LAMA2: variants seen among roughly 807,000 people sequenced by gnomAD.
LAMA2 encodes laminin subunit alpha-2.
A neutral mutation model predicts 364.8 loss-of-function variants in LAMA2; 269 were observed. That is an observed-to-expected ratio of 0.74 (90% CI 0.67 to 0.82). The LOEUF (loss-of-function observed/expected upper bound fraction) is 0.82. Among genes scored for constraint, LAMA2 ranks in the 40% least tolerant of loss-of-function variants. The probability of loss-of-function intolerance (pLI) is 0.00; values close to 1 mark genes in which losing one functional copy is unlikely to be tolerated. For missense variants in LAMA2, 3,807 were observed against 3,873.2 expected (o/e 0.98, Z 0.45); for synonymous variants, 1,379 against 1,370.6 (o/e 1.01, Z -0.14).
At chr6:129,371,607 C>CTTTTT (rs376262275) in intron 34 of LAMA2, among the ~76,000 whole-genome samples, 1 of 132,576 alleles carries the variant, frequency 7.5e-6, no homozygotes, top group African/African-American at 2.8e-5. Context: ...AAAAGTATTT[C>CTTTTT]TTTTTTTTTT....
chr6:129,402,413 G>A lies in LAMA2; in HGVS notation c.5652G>A (p.Arg1884=), dbSNP rs2114694780. ...IDDLSQEIKD[R]KLAEKVSQAE... is the part of the protein sequence containing the mutation. ...ACCTCTCCCAAGAAATAAAGGACAGGAAGCTTGCTGAGAAGGTGTCCCAGG... is the reference window on the plus strand; with the variant it reads ...ACCTCTCCCAAGAAATAAAGGACAGAAAGCTTGCTGAGAAGGTGTCCCAGG... The change falls in exon 39 of 65, where the codon AGG becomes AGA. Residue 1884 remains arginine (R), a synonymous_variant. Coordinates refer to ENST00000421865, the MANE Select transcript of LAMA2 (RefSeq NM_000426.4). 4.3e-6 allele frequency: 7 copies of A among 1,614,092 alleles called. No homozygotes were observed. Among genetic ancestry groups the A allele is most frequent in the Non-Finnish European group, 5.1e-6 (6 of 1,179,992 alleles).
chr6:129,293,935 C>G (rs984623965), intron 20 of LAMA2, among the ~76,000 whole-genome samples: 1 of 152,162 alleles, frequency 6.6e-6, no homozygotes, highest in African/African-American at 2.4e-5. Context: ...GCTATAAATT[C>G]CTTGAATCTT....
intron 1 of LAMA2, among the ~76,000 whole-genome samples, chr6:128,930,616 T>C (rs1779414634): frequency 6.6e-6 from 1 of 152,188 alleles, no homozygotes; most frequent in Non-Finnish European, 1.5e-5. Context: ...TTGCTATCTT[T>C]GTTAGTTTAA....
intron 48 of LAMA2, among the ~76,000 whole-genome samples, chr6:129,459,896 G>T (rs925687853): frequency 6.6e-5 from 10 of 152,070 alleles, no homozygotes; most frequent in Admixed American, 2.0e-4. Context: ...GAGAAGGTCA[G>T]CAGCTCACCT....
intron 12 of LAMA2, among the ~76,000 whole-genome samples, chr6:129,219,446 A>G (rs1415545510): frequency 6.6e-6 from 1 of 151,820 alleles, no homozygotes; most frequent in Non-Finnish European, 1.5e-5. Context: ...AGAACTTGAA[A>G]TACCATTTGA....
intron 12 of LAMA2, among the ~76,000 whole-genome samples, chr6:129,199,021 G>T (rs1401224826): frequency 6.6e-6 from 1 of 152,046 alleles, no homozygotes; most frequent in East Asian, 1.9e-4. Flanking sequence ...TATGTGGCTT[G>T]ATATAAAATC....
At chr6:129,455,103 T>C (rs573372802) in intron 47 of LAMA2, among the ~76,000 whole-genome samples, 1 of 152,232 alleles carries the variant, frequency 6.6e-6, no homozygotes, top group Non-Finnish European at 1.5e-5. Context: ...TGCAATGGCA[T>C]GTGCTGTAGT....
intron 10 of LAMA2, among the ~76,000 whole-genome samples, chr6:129,185,985 A>G (rs1043327827): frequency 1.3e-5 from 2 of 151,738 alleles, no homozygotes; most frequent in African/African-American, 4.8e-5. Context: ...TATAGGCTGT[A>G]GTGTGAAAAT....
At chr6:129,461,754 TTATAAGAGTATTCCTATG>T (rs1783263166) in intron 49 of LAMA2, among the ~76,000 whole-genome samples, 1 of 152,006 alleles carries the variant, frequency 6.6e-6, no homozygotes, top group Admixed American at 6.6e-5. Context: ...TAATTTATGA[TTATAAGAGTATTCCTATG>T]TATACGTAGG....
rs1397928399 is a variant in LAMA2, at chr6:129,142,637, G to A, written c.640-1264G>A. Among the ~76,000 whole-genome samples, 5 of 152,096 alleles carry A rather than the reference G, an allele frequency of 3.3e-5. No individual in the cohort carries two copies. In the East Asian group the frequency reaches 7.7e-4, roughly 24 times the overall value. On this transcript the variant is annotated intron_variant, in intron 4 of 64. Transcript: ENST00000421865. ...ATAATTCCTAGAAGTGGAATTGCTA[G>A]CTCAGAATTACTGTGTGTTTCTAAT... is the stretch of plus-strand genomic sequence containing the variant.
rs553602983 is a variant in LAMA2, at chr6:129,485,825, C to G, written c.7750-649C>G. Among the ~76,000 whole-genome samples, 34 of 152,272 alleles carry G rather than the reference C, an allele frequency of 2.2e-4. 1 individual carries two copies. In the East Asian group the frequency reaches 6.4e-3, roughly 29 times the overall value. ...AGCCATCACTGTGTGGCAGGTGCCCCCATACTCCACAAGAAAGGGAGAGCA... is the reference window on the plus strand; with the variant it reads ...AGCCATCACTGTGTGGCAGGTGCCCGCATACTCCACAAGAAAGGGAGAGCA... On this transcript the variant is annotated intron_variant, in intron 55 of 64. Transcript: ENST00000421865.
chr6:129,076,483 C>CG (rs562179119), intron 3 of LAMA2, among the ~76,000 whole-genome samples: 800 of 17,042 alleles, frequency 0.047, 7 homozygotes, highest in African/African-American at 0.088. Flanking sequence ...TATAATATAT[C>CG]TTATATATTA....
chr6:129,027,162 T>C (rs549534304), intron 1 of LAMA2, among the ~76,000 whole-genome samples: 3 of 152,188 alleles, frequency 2.0e-5, no homozygotes, highest in African/African-American at 7.2e-5. Flanking sequence ...TGAGTTTGTT[T>C]TAATCATGTG....
At chr6:129,244,857 A>C (rs1364652009) in intron 12 of LAMA2, among the ~76,000 whole-genome samples, 1 of 152,168 alleles carries the variant, frequency 6.6e-6, no homozygotes. Flanking sequence ...TCTTTAATGC[A>C]ATGTGCACCA....
intron 38 of LAMA2, 36 bp from the exon 39 acceptor site, chr6:129,402,288 T>G: frequency 6.4e-7 from 1 of 1,563,888 alleles, no homozygotes; most frequent in Non-Finnish European, 8.8e-7. Context: ...AGGCTTGAAT[T>G]CACTTGCTTA....
At chr6:129,506,252 C>A (rs1047685394) in intron 61 of LAMA2, among the ~76,000 whole-genome samples, 1 of 151,914 alleles carries the variant, frequency 6.6e-6, no homozygotes, top group African/African-American at 2.4e-5. Context: ...ACTTTGGAGG[C>A]TGAGGCAAGA....
chr6:129,259,567 A>G (rs1283907006), intron 14 of LAMA2, among the ~76,000 whole-genome samples: 2 of 152,092 alleles, frequency 1.3e-5, no homozygotes, highest in Admixed American at 1.3e-4. Context: ...AATGATTTGG[A>G]GATACAAATA....
intron 12 of LAMA2, among the ~76,000 whole-genome samples, chr6:129,249,604 T>C (rs1345432211): frequency 6.6e-6 from 1 of 152,230 alleles, no homozygotes; most frequent in East Asian, 1.9e-4. Flanking sequence ...AATTTGCTGC[T>C]AACCTTTTGT....
chr6:129,013,962 T>C (rs1383606235), intron 1 of LAMA2, among the ~76,000 whole-genome samples: 1 of 152,120 alleles, frequency 6.6e-6, no homozygotes, highest in Admixed American at 6.6e-5. Flanking sequence ...CAATAGTACT[T>C]ATTAATGGCC....
Sources: allele counts gnomAD v4.1 joint callset (sites outside exome capture counted in the v4.1 genomes callset), GRCh38; gene constraint gnomAD v4.1.1; transcripts MANE v1.5; gene names NCBI Gene and HGNC (gene_info 2026-07-23, HGNC 2026-07-21).